Variants in USP36 observed in about 807,000 individuals in gnomAD.
The protein encoded by USP36 is ubiquitin carboxyl-terminal hydrolase 36.
Under a neutral mutation model 111.5 loss-of-function variants are expected in USP36, and 59 were observed. The observed-to-expected ratio is 0.53, with a 90% CI of 0.43 to 0.66. The LOEUF (loss-of-function observed/expected upper bound fraction) is 0.66, where lower values mean the gene tolerates loss of function less well. Among genes scored for constraint, USP36 ranks in the 30% least tolerant of loss-of-function variants. The pLI is 0.00. For missense variants in USP36, 1,488 were observed against 1,468.0 expected (o/e 1.01, Z -0.22); for synonymous variants, 628 against 581.0 (o/e 1.08, Z -1.16).
At chr17:78,830,287 G>A (rs540669021) in intron 4 of USP36, among the ~76,000 whole-genome samples, 2 of 152,272 alleles carry the variant, frequency 1.3e-5, no homozygotes, top group Admixed American at 6.5e-5. Context: ...ATGCAGTTAC[G>A]TATCATTCAG....
rs1204385799 is a variant in USP36, at chr17:78,814,428, T to C, written c.1148A>G (p.Tyr383Cys). ...HSGYSCHAGHYYCYVKASNGQ... is the reference protein window; with the variant it reads ...HSGYSCHAGHCYCYVKASNGQ... ...GCCTCTCACCTTCACGTAGCAGTAA[T>C]AGTGCCCGGCATGGCAGCTGTAGCC... Residue 383 changes from tyrosine to cysteine, a missense_variant, in exon 11 of 21, where the codon TAT (tyrosine) becomes TGT (cysteine). Coordinates refer to ENST00000449938, the MANE Select transcript of USP36 (RefSeq NM_001385174.1). 4 of 1,613,976 alleles carry C rather than the reference T, an allele frequency of 2.5e-6. No individual in the cohort carries two copies. Among genetic ancestry groups the C allele is most frequent in the Admixed American group, 1.7e-5 (1 of 60,000 alleles).
In USP36 at chr17:78,787,927, G is replaced by A. The variant is rs537962394; in HGVS notation, c.*21-269C>T. 1.2e-4 allele frequency among the ~76,000 whole-genome samples: 18 copies of A among 152,310 alleles called. No individual in the cohort carries two copies. The South Asian group carries it at 1.4e-3, about 12-fold the overall frequency. ...ACGGAAAGATGGCTACGTGAAGATG[G>A]AAGCACAGTGGAGTGATGTGGCCAC... is the stretch of plus-strand genomic sequence containing the variant. On this transcript the variant is annotated intron_variant, in intron 3 of 3. Coordinates refer to the USP36 transcript ENST00000588130.
At chr17:78,837,021 C>G (rs761930763) in intron 2 of USP36, among the ~76,000 whole-genome samples, 4 of 152,072 alleles carry the variant, frequency 2.6e-5, no homozygotes, top group Non-Finnish European at 4.4e-5. Flanking sequence ...GAAATACTCA[C>G]TAGTATAAGA....
intron 3 of USP36, among the ~76,000 whole-genome samples, chr17:78,788,728 C>T (rs1026644758): frequency 4.6e-5 from 7 of 152,058 alleles, no homozygotes; most frequent in African/African-American, 1.7e-4. Flanking sequence ...TTGCTGAGGC[C>T]ATCAGAACAC....
intron 4 of USP36, among the ~76,000 whole-genome samples, chr17:78,831,655 G>T (rs949244895): frequency 9.9e-5 from 15 of 151,808 alleles, no homozygotes; most frequent in Non-Finnish European, 1.8e-4. Context: ...TATATAAAAC[G>T]CTGCTGGTTG....
chr17:78,820,120 C>T (rs2094283700), intron 8 of USP36, 108 bp from the exon 9 acceptor site: 9 of 1,129,674 alleles, frequency 8.0e-6, no homozygotes, highest in East Asian at 2.5e-5. Context: ...AATCACAGAA[C>T]TTAGACTCGC....
intron 1 of USP36, among the ~76,000 whole-genome samples, chr17:78,839,472 C>T (rs1190664310): frequency 1.3e-5 from 2 of 152,202 alleles, no homozygotes; most frequent in Admixed American, 6.5e-5. Flanking sequence ...GTATTAAAAA[C>T]TCCCCACAAT....
Position 78,803,758 on chromosome 17 carries a change from T to C in USP36, c.2437A>G (p.Lys813Glu). The C allele has an allele frequency of 2.5e-6, 4 of 1,612,694 alleles. No homozygotes were observed. The highest frequency in any genetic ancestry group is 3.4e-6 in the Non-Finnish European group (4 of 1,179,962). ...TGCGGCTCTCCCACAAAGGTCTTTT[T>C]CCTCTTCTCAGAGGGGCTCTGGGGG... Reference protein sequence around the residue: ...EPPQSPSEKRKKTFVGEPQRL... With the variant: ...EPPQSPSEKREKTFVGEPQRL... Residue 813 changes from lysine to glutamate, a missense_variant, in exon 16 of 21, where the codon AAA (lysine) becomes GAA (glutamate). By Grantham distance (56) the Lys-to-Glu change is moderately conservative. This residue lies in a region of USP36 where 1,073 missense variants were observed against 994.1 expected (regional missense o/e 1.08). Coordinates refer to ENST00000449938, the MANE Select transcript of USP36 (RefSeq NM_001385174.1). The surrounding 1 kb of genome is among the most constrained non-coding windows in gnomAD (Gnocchi z 4.6).
chr17:78,836,378 G>A lies in USP36; in HGVS notation c.-9-6C>T, dbSNP rs1184423782. 6.2e-7 allele frequency: 1 copy of A among 1,611,492 alleles called. No homozygotes were observed. The highest frequency in any genetic ancestry group is 1.3e-5 in the African/African-American group (1 of 74,688). ...ACTATTGGCATGGTGCATCACTGTG[G>A]GGACAAGAAGAAACATAGAGCCATA... On this transcript the variant is annotated splice_region_variant and splice_polypyrimidine_tract_variant and intron_variant, in intron 2 of 20. Transcript: ENST00000449938.
Position 78,803,559 on chromosome 17 carries a change from TGGCCCTCCCTCCTGTACATGG to T in USP36, c.2615_2635del (p.Pro872_Gly878del). ...CCGTCTGACAGCGGGCAGCTGTGCC[TGGCCCTCCCTCCTGTACATGG>T]GGCTCCCAGGCTGTCTCTGTGTCTG... On this transcript the variant is annotated inframe_deletion, in exon 16 of 21. Coordinates refer to ENST00000449938, the MANE Select transcript of USP36 (RefSeq NM_001385174.1). This position sits in a 1 kb window ranked among gnomAD's most constrained non-coding sequence, Gnocchi z 4.6. 6.2e-7 allele frequency: 1 copy of T among 1,613,546 alleles called. No individual in the cohort carries two copies. The highest frequency in any genetic ancestry group is 8.5e-7 in the Non-Finnish European group (1 of 1,180,030).
In USP36 at chr17:78,834,925, G is replaced by A. The variant is rs556277455; in HGVS notation, c.475+355C>T. On this transcript the variant is annotated intron_variant, in intron 4 of 20. Coordinates refer to ENST00000449938, the MANE Select transcript of USP36 (RefSeq NM_001385174.1). ...GAGCCCAGGAGTTCAAGACTACAACGAGTTGTGATGGAGCCACTGCATTCC... is the reference window on the plus strand; with the variant it reads ...GAGCCCAGGAGTTCAAGACTACAACAAGTTGTGATGGAGCCACTGCATTCC... 3.3e-5 allele frequency among the ~76,000 whole-genome samples: 5 copies of A among 151,566 alleles called. No individual in the cohort carries two copies. In the East Asian group the frequency reaches 7.7e-4, roughly 23 times the overall value.
In USP36 at chr17:78,836,798, G is replaced by GACACACAC. The variant is rs71365539; in HGVS notation, c.-9-434_-9-427dup. ...CATACAAACTGGTTATACACACACG[G>GACACACAC]ACACACACACACACACACACAAACG... On this transcript the variant is annotated intron_variant, in intron 2 of 20. Transcript: ENST00000449938. 3.3e-3 allele frequency among the ~76,000 whole-genome samples: 475 copies of GACACACAC among 145,804 alleles called. 5 individuals are homozygous for GACACACAC. Among genetic ancestry groups the GACACACAC allele is most frequent in the East Asian group, 0.021 (105 of 5,056 alleles).
intron 4 of USP36, among the ~76,000 whole-genome samples, chr17:78,830,155 C>T (rs2067955212): frequency 6.6e-6 from 1 of 152,264 alleles, no homozygotes; most frequent in African/African-American, 2.4e-5. Flanking sequence ...TTCAAAGTCA[C>T]CACTATCCTG....
rs762593172 is a variant in USP36, at chr17:78,812,946, A to C, written c.1321T>G (p.Ser441Ala). ...ATCACACTCGGGCGGCCGGGAAGGG[A>C]GGAGGAGCCTGTCCTGGAGATGAGG... ...EGLISRTGSS[S>A]LPGRPSVIPD... Residue 441 changes from serine (S) to alanine (A), a missense_variant, in exon 13 of 21, where the codon TCC (serine) becomes GCC (alanine). Physicochemically the swap from Ser to Ala is moderately conservative, Grantham distance 99. Transcript: ENST00000449938. 2 of 1,614,036 alleles carry C rather than the reference A, an allele frequency of 1.2e-6. No homozygotes were observed. The highest frequency in any genetic ancestry group is 1.7e-6 in the Non-Finnish European group (2 of 1,179,998).
intron 18 of USP36, among the ~76,000 whole-genome samples, chr17:78,799,454 T>C (rs1226404930): frequency 2.0e-5 from 3 of 152,192 alleles, no homozygotes; most frequent in Non-Finnish European, 4.4e-5. Context: ...GAAGCAGCTG[T>C]TCTGGATCCT....
At chr17:78,802,928 G>T (rs2093792056) in intron 16 of USP36, among the ~76,000 whole-genome samples, 1 of 152,104 alleles carries the variant, frequency 6.6e-6, no homozygotes, top group African/African-American at 2.4e-5. Flanking sequence ...GTATTTATCA[G>T]AGGAGATATT....
intron 6 of USP36, among the ~76,000 whole-genome samples, chr17:78,825,555 C>T (rs947937280): frequency 6.6e-5 from 10 of 152,256 alleles, no homozygotes; most frequent in African/African-American, 2.4e-4. Context: ...CTGGTACCAA[C>T]GAATGGCTCA....
At chr17:78,834,474 G>T (rs1244135101) in intron 4 of USP36, among the ~76,000 whole-genome samples, 1 of 151,968 alleles carries the variant, frequency 6.6e-6, no homozygotes, top group Non-Finnish European at 1.5e-5. Context: ...ATGGAGTCTT[G>T]CTCTGTCACC....
chr17:78,808,744 T>C (rs984220355), intron 13 of USP36, among the ~76,000 whole-genome samples: 20 of 152,250 alleles, frequency 1.3e-4, no homozygotes, highest in Admixed American at 4.6e-4. Context: ...ATTCTGTATT[T>C]AGATGCTGAA....
Sources: allele counts gnomAD v4.1 joint callset (sites outside exome capture counted in the v4.1 genomes callset), GRCh38; gene constraint gnomAD v4.1.1; regional missense constraint gnomAD v4.1.1; non-coding constraint Gnocchi (gnomAD v3.1); transcripts MANE v1.5; gene names NCBI Gene and HGNC (gene_info 2026-07-23, HGNC 2026-07-21).